PLD1: variants seen among roughly 807,000 people sequenced by gnomAD.
PLD1 encodes phospholipase D1.
PLD1 carries 112 observed loss-of-function variants against 137.1 expected under a neutral mutation model. The observed-to-expected ratio is 0.82, with a 90% confidence interval of 0.70 to 0.96. The LOEUF (loss-of-function observed/expected upper bound fraction) is 0.96. Ranked by LOEUF, PLD1 falls within the 40% of genes least tolerant of loss-of-function variation. The probability of loss-of-function intolerance (pLI) is 0.00; values close to 1 mark genes in which losing one functional copy is unlikely to be tolerated. For missense variants in PLD1, 1,321 were observed against 1,342.0 expected, an observed-to-expected ratio of 0.98 and a Z score of 0.24; for synonymous variants, 431 against 454.7, an observed-to-expected ratio of 0.95 and a Z score of 0.66.
intron 7 of PLD1, among the ~76,000 whole-genome samples, chr3:171,725,236 T>A (rs763813053): frequency 1.3e-5 from 2 of 152,148 alleles, no homozygotes; most frequent in Non-Finnish European, 2.9e-5. Context: ...TCCTCAACAT[T>A]GTGACACTGT....
chr3:171,685,949 T>C (rs1714508308), intron 16 of PLD1, among the ~76,000 whole-genome samples: 1 of 151,974 alleles, frequency 6.6e-6, no homozygotes, highest in Non-Finnish European at 1.5e-5. Flanking sequence ...CAAAACCCCA[T>C]TTCTACTAAA....
intron 21 of PLD1, among the ~76,000 whole-genome samples, chr3:171,645,812 T>A (rs1578178782): frequency 7.6e-6 from 1 of 132,388 alleles, no homozygotes; most frequent in South Asian, 2.4e-4. Flanking sequence ...TGAACCCGGG[T>A]GGCGGAGCTT....
rs114847063 is a variant in PLD1 at position 171,733,342 on chromosome 3, G to A, written c.606+102C>T. ...TATTTTAATGCAAGGACGAATGTAG[G>A]TGTGGATACAATCACTTGTGTTATT... On this transcript the variant is annotated intron_variant, in intron 6 of 26. Coordinates refer to ENST00000351298, the MANE Select transcript of PLD1 (RefSeq NM_002662.5). 2,312 of 604,582 alleles carry A rather than the reference G, an allele frequency of 3.8e-3. 39 individuals are homozygous for A. The African/African-American group carries it at 0.039, about 10-fold the overall frequency. The allele number at this position is 604,582 out of a possible 1,614,324, so 37.5% of individuals were successfully genotyped here. A position where few individuals can be genotyped will look rare whatever the true frequency, so the allele number is the denominator to read the frequency against.
At chr3:171,609,258 G>A (rs1560140355) in intron 25 of PLD1, among the ~76,000 whole-genome samples, 6 of 152,090 alleles carry the variant, frequency 3.9e-5, no homozygotes, top group Admixed American at 3.3e-4. Flanking sequence ...TGAGGATGTG[G>A]AGAAAAGGGA....
At chr3:171,792,576 C>T (rs1723259307) in intron 1 of PLD1, 1 of 456,554 alleles carries the variant, frequency 2.2e-6, no homozygotes, top group South Asian at 1.5e-5. Context: ...GCCTGTTTCC[C>T]TGCCCAGCCC....
At chr3:171,773,671 G>T (rs1293124920) in intron 1 of PLD1, among the ~76,000 whole-genome samples, 1 of 152,182 alleles carries the variant, frequency 6.6e-6, no homozygotes, top group African/African-American at 2.4e-5. Flanking sequence ...CTCTTCCGAT[G>T]AGCCAAGCTT....
chr3:171,688,998 G>A (rs1158886097), intron 13 of PLD1, 122 bp from the exon 14 acceptor site: 6 of 634,432 alleles, frequency 9.5e-6, no homozygotes, highest in Non-Finnish European at 1.7e-5. Context: ...ACTGTACAAC[G>A]TATACACCAA....
chr3:171,638,129 G>A (rs1735299960), intron 23 of PLD1, among the ~76,000 whole-genome samples: 1 of 148,664 alleles, frequency 6.7e-6, no homozygotes, highest in African/African-American at 2.5e-5. Flanking sequence ...AGCTTGCAGT[G>A]AGCCAAGATT....
At chr3:171,771,464 C>G (rs553837081) in intron 1 of PLD1, 1 of 152,182 alleles carries the variant, frequency 6.6e-6, no homozygotes, top group Non-Finnish European at 1.5e-5. Context: ...AAAGAGACAC[C>G]GGACTGCTGT....
intron 24 of PLD1, among the ~76,000 whole-genome samples, chr3:171,619,927 A>T (rs1733448830): frequency 6.6e-6 from 1 of 152,140 alleles, no homozygotes; most frequent in Non-Finnish European, 1.5e-5. Context: ...AAAAATTAAA[A>T]AAAAAAGGGA....
Position 171,764,869 on chromosome 3 carries a change from A to AAG in PLD1, c.-31-26789_-31-26788dup, listed in dbSNP as rs1247129920. On this transcript the variant is annotated intron_variant, in intron 1 of 26. Transcript: ENST00000351298. ...AAAGAAAGAAAGAAAGAAAGAAAGA[A>AAG]AGAAAGAAAGAAAGAAAGAAAGAAA... is the stretch of plus-strand genomic sequence containing the variant. Among the ~76,000 whole-genome samples, 49 of 27,848 alleles carry AAG rather than the reference A, an allele frequency of 1.8e-3. 4 individuals are homozygous for AAG. Among genetic ancestry groups the AAG allele is most frequent in the African/African-American group, 3.7e-3 (25 of 6,742 alleles). 18.3% of individuals were successfully genotyped at this position (27,848 alleles called of 152,430 possible). A position where few individuals can be genotyped will look rare whatever the true frequency, so the allele number is the denominator to read the frequency against.
intron 26 of PLD1, among the ~76,000 whole-genome samples, chr3:171,604,320 A>G (rs1732037296): frequency 7.2e-6 from 1 of 138,734 alleles, no homozygotes; most frequent in African/African-American, 3.1e-5. Context: ...TGTCAATTAA[A>G]AAAAAAAAAA....
At chr3:171,648,729 T>C (rs962785924) in intron 21 of PLD1, among the ~76,000 whole-genome samples, 1 of 152,170 alleles carries the variant, frequency 6.6e-6, no homozygotes, top group Non-Finnish European at 1.5e-5. Flanking sequence ...TAATTTTTTG[T>C]ATTTTTAGCA....
intron 1 of PLD1, among the ~76,000 whole-genome samples, chr3:171,798,883 G>A (rs954909069): frequency 2.0e-5 from 3 of 152,136 alleles, no homozygotes; most frequent in Non-Finnish European, 4.4e-5. Flanking sequence ...TCTTTTTTAG[G>A]AGGACTGTGT....
At chr3:171,623,654 T>C (rs1733838480) in intron 23 of PLD1, among the ~76,000 whole-genome samples, 1 of 146,904 alleles carries the variant, frequency 6.8e-6, no homozygotes, top group South Asian at 2.1e-4. Flanking sequence ...TACTATAAAG[T>C]CTGTATAATT....
chr3:171,686,055 C>G (rs1008768686), intron 16 of PLD1, among the ~76,000 whole-genome samples: 2 of 143,448 alleles, frequency 1.4e-5, no homozygotes, highest in African/African-American at 5.2e-5. Flanking sequence ...ACCTGGGAGG[C>G]GGAGGGTGCA....
chr3:171,766,722 T>A (rs61166728), intron 1 of PLD1, among the ~76,000 whole-genome samples: 42,456 of 152,058 alleles, frequency 0.28, 6,307 homozygotes, highest in Admixed American at 0.32. Flanking sequence ...AAAATTTAAA[T>A]CTATTGACTT....
chr3:171,785,328 G>C (rs748476891), intron 1 of PLD1, among the ~76,000 whole-genome samples: 10 of 152,022 alleles, frequency 6.6e-5, no homozygotes, highest in African/African-American at 1.5e-4. Flanking sequence ...ATAATTTAAT[G>C]AGTTTATTTA....
At chr3:171,719,415 C>T (rs1043948510) in intron 8 of PLD1, among the ~76,000 whole-genome samples, 42 of 152,324 alleles carry the variant, frequency 2.8e-4, no homozygotes, top group African/African-American at 9.6e-4. Flanking sequence ...CTGTTCAATG[C>T]CTAGAACTAT....
Sources: allele counts gnomAD v4.1 joint callset (sites outside exome capture counted in the v4.1 genomes callset), GRCh38; gene constraint gnomAD v4.1.1; transcripts MANE v1.5; gene names NCBI Gene and HGNC (gene_info 2026-07-23, HGNC 2026-07-21).